The following ELMO1 variants were observed in gnomAD, a reference collection of about 807,000 sequenced individuals.
ELMO1 encodes engulfment and cell motility 1.
ELMO1 carries 26 observed loss-of-function variants against 98.9 expected under a neutral mutation model. The ratio of observed to expected loss-of-function variants is 0.26; its 90% CI spans 0.19 to 0.36. The LOEUF is 0.36. ELMO1 is among the 10% of genes least tolerant of loss of function. The pLI is 1.00. For synonymous variants in ELMO1, 346 were observed against 346.0 expected (o/e 1.00, Z 0.00); for missense variants, 627 against 935.2 (o/e 0.67, Z 4.30).
intron 1 of ELMO1, among the ~76,000 whole-genome samples, chr7:37,364,854 G>A (rs1307280297): frequency 2.0e-5 from 3 of 152,162 alleles, no homozygotes; most frequent in Non-Finnish European, 4.4e-5. Flanking sequence ...TCTTAACAAA[G>A]CTCAGAATGT....
At chr7:37,340,039 A>C (rs1800632080) in intron 2 of ELMO1, among the ~76,000 whole-genome samples, 1 of 152,204 alleles carries the variant, frequency 6.6e-6, no homozygotes, top group East Asian at 1.9e-4. Flanking sequence ...AGAAATTTCT[A>C]AAGATCAATG....
chr7:37,374,567 T>C (rs1302116341), intron 1 of ELMO1, among the ~76,000 whole-genome samples: 1 of 151,436 alleles, frequency 6.6e-6, no homozygotes, highest in African/African-American at 2.4e-5. Context: ...CTGGCTACTA[T>C]GGCGAAATTC....
chr7:37,050,609 AACAC>A (rs60918785), intron 15 of ELMO1, among the ~76,000 whole-genome samples: 6,993 of 129,500 alleles, frequency 0.054, 212 homozygotes, highest in Middle Eastern at 0.061. Context: ...AGGTGCTCTG[AACAC>A]ACACACACAC....
chr7:36,886,583 G>C lies in ELMO1; in HGVS notation c.1714+977C>G, dbSNP rs373309359. Among the ~76,000 whole-genome samples the C allele has an allele frequency of 1.6e-4, 24 of 152,252 alleles. No homozygotes were observed. In the South Asian group the frequency reaches 4.8e-3, roughly 30 times the overall value. ...GCTGCTAATGCCTGTGCTTGCTCCT[G>C]CCTCTTCTTCAATCTCTTTGCCTCT... On this transcript the variant is annotated intron_variant, in intron 18 of 21. Transcript: ENST00000310758.
intron 13 of ELMO1, among the ~76,000 whole-genome samples, chr7:37,187,105 A>T (rs1791251530): frequency 6.6e-6 from 1 of 152,216 alleles, no homozygotes; most frequent in South Asian, 2.1e-4. Flanking sequence ...ATGTGTGTGT[A>T]TGAGAGAATA....
chr7:37,242,328 A>T (rs1221946485), intron 7 of ELMO1, among the ~76,000 whole-genome samples: 1 of 151,496 alleles, frequency 6.6e-6, no homozygotes, highest in Non-Finnish European at 1.5e-5. Context: ...CTCTATTAAG[A>T]CTCCCCATCT....
intron 1 of ELMO1, among the ~76,000 whole-genome samples, chr7:37,384,317 G>A (rs1007482700): frequency 1.3e-5 from 2 of 152,200 alleles, no homozygotes; most frequent in African/African-American, 4.8e-5. Context: ...CAAGATTAAT[G>A]AGGTGTTATA....
At chr7:37,143,442 T>C (rs1040471962) in intron 13 of ELMO1, among the ~76,000 whole-genome samples, 2 of 152,200 alleles carry the variant, frequency 1.3e-5, no homozygotes, top group African/African-American at 4.8e-5. Context: ...AGTCTCGCTC[T>C]GTCACCCAGG....
chr7:37,240,758 A>C (rs1174435762), intron 7 of ELMO1, among the ~76,000 whole-genome samples: 1 of 152,044 alleles, frequency 6.6e-6, no homozygotes, highest in Non-Finnish European at 1.5e-5. Flanking sequence ...GTGTTTTCTA[A>C]TTTCCAAACA....
chr7:37,093,490 T>C (rs73688851), intron 15 of ELMO1, among the ~76,000 whole-genome samples: 10,344 of 152,230 alleles, frequency 0.068, 908 homozygotes, highest in African/African-American at 0.21. Context: ...CTGAGAAGTG[T>C]TCAGAACTAT....
intron 13 of ELMO1, among the ~76,000 whole-genome samples, chr7:37,165,662 C>A (rs1050519369): frequency 2.6e-5 from 4 of 152,054 alleles, no homozygotes; most frequent in African/African-American, 9.7e-5. Flanking sequence ...TATATTGAAC[C>A]AGCCTCACAT....
intron 4 of ELMO1, among the ~76,000 whole-genome samples, chr7:37,309,696 G>A (rs1376829479): frequency 1.3e-5 from 2 of 152,350 alleles, no homozygotes; most frequent in South Asian, 2.1e-4. Context: ...ACAAAGACAA[G>A]CATAAAGTGA....
chr7:36,951,702 C>T (rs1018381886), intron 16 of ELMO1, among the ~76,000 whole-genome samples: 1 of 152,266 alleles, frequency 6.6e-6, no homozygotes, highest in Non-Finnish European at 1.5e-5. Context: ...ATGGTGCCCA[C>T]TCCTAGTAGA....
chr7:37,030,367 TC>T (rs1794813694), intron 15 of ELMO1, among the ~76,000 whole-genome samples: 1 of 152,138 alleles, frequency 6.6e-6, no homozygotes, highest in East Asian at 1.9e-4. Flanking sequence ...TTTTTTCCTC[TC>T]CCCTGACAAA....
intron 4 of ELMO1, among the ~76,000 whole-genome samples, chr7:37,311,378 G>A (rs138003446): frequency 4.5e-4 from 68 of 151,612 alleles, no homozygotes; most frequent in African/African-American, 1.2e-3. Context: ...CATCTTCAGC[G>A]AAAAGACAGA....
intron 16 of ELMO1, among the ~76,000 whole-genome samples, chr7:36,959,717 G>A (rs1157272641): frequency 6.6e-6 from 1 of 152,188 alleles, no homozygotes; most frequent in African/African-American, 2.4e-5. Flanking sequence ...CACTCACTCT[G>A]TCACCCAGGC....
chr7:37,372,538 T>C (rs184559444), intron 1 of ELMO1, among the ~76,000 whole-genome samples: 3 of 152,352 alleles, frequency 2.0e-5, no homozygotes, highest in Non-Finnish European at 2.9e-5. Flanking sequence ...CAGGCATTTA[T>C]CTTTTTATCC....
intron 4 of ELMO1, among the ~76,000 whole-genome samples, chr7:37,285,256 T>C (rs1303841673): frequency 6.6e-6 from 1 of 152,262 alleles, no homozygotes; most frequent in African/African-American, 2.4e-5. Context: ...CCATAGCTTC[T>C]TTTCTGCAAC....
intron 16 of ELMO1, among the ~76,000 whole-genome samples, chr7:36,997,151 C>A (rs1295193985): frequency 2.0e-5 from 3 of 152,180 alleles, no homozygotes; most frequent in East Asian, 3.9e-4. Context: ...GGATACAGAA[C>A]AAACTGAGTC....
Sources: allele counts gnomAD v4.1 joint callset (sites outside exome capture counted in the v4.1 genomes callset), GRCh38; gene constraint gnomAD v4.1.1; transcripts MANE v1.5; gene names NCBI Gene and HGNC (gene_info 2026-07-23, HGNC 2026-07-21).